The following DLG2 variants were observed in gnomAD, a reference collection of about 807,000 sequenced individuals.
DLG2 encodes disks large homolog 2.
DLG2 carries 45 observed loss-of-function variants against 132.5 expected under a neutral mutation model. The ratio of observed to expected loss-of-function variants is 0.34; its 90% confidence interval spans 0.27 to 0.44. DLG2 has a LOEUF of 0.44. Ranked by LOEUF, DLG2 falls within the 20% of genes least tolerant of loss-of-function variation. The pLI is 1.00. For synonymous variants in DLG2, 424 were observed against 419.6 expected (o/e 1.01, Z -0.13); for missense variants, 1,045 against 1,196.9 (o/e 0.87, Z 1.87).
At chr11:83,721,103 C>T (rs1423662526) in intron 18 of DLG2, 2 of 152,232 alleles carry the variant, frequency 1.3e-5, no homozygotes, top group Non-Finnish European at 1.5e-5. Flanking sequence ...TTTTAATAGA[C>T]ATGCTTTAAC....
chr11:84,459,583 T>A (rs553243309), intron 7 of DLG2, among the ~76,000 whole-genome samples: 1 of 150,644 alleles, frequency 6.6e-6, no homozygotes, highest in Non-Finnish European at 1.5e-5. Context: ...TTCTGGAATA[T>A]GGGCTGCCCC....
intron 3 of DLG2, among the ~76,000 whole-genome samples, chr11:85,581,648 C>T (rs895000405): frequency 2.0e-5 from 3 of 151,620 alleles, no homozygotes; most frequent in African/African-American, 7.3e-5. Flanking sequence ...AAACAAACAA[C>T]AAAAAAAGAG....
At chr11:84,984,694 C>T (rs1024430581) in intron 6 of DLG2, among the ~76,000 whole-genome samples, 1 of 151,822 alleles carries the variant, frequency 6.6e-6, no homozygotes, top group African/African-American at 2.4e-5. Context: ...TTAAAAGATA[C>T]AGAATTGCAG....
rs560364876 is a variant in DLG2 at position 85,554,214 on chromosome 11, C to CA, written c.40+44442dup. Among the ~76,000 whole-genome samples, 10 of 150,414 alleles carry CA rather than the reference C, an allele frequency of 6.6e-5. No individual in the cohort carries two copies. The South Asian group carries it at 1.5e-3, about 22-fold the overall frequency. On this transcript the variant is annotated intron_variant, in intron 3 of 27. Coordinates refer to ENST00000376104, the MANE Select transcript of DLG2 (RefSeq NM_001142699.3). ...CAAAGAATAGTATAAAGCAAATTAA[C>CA]AAAAAAAATTGAGTATTTGAAAACA...
intron 4 of DLG2, 128 bp downstream of exon 4, chr11:85,285,092 T>C: frequency 1.3e-6 from 1 of 792,312 alleles, no homozygotes; most frequent in Middle Eastern, 2.5e-4. Flanking sequence ...TTGCATACAG[T>C]ATGGTATAAC....
chr11:83,682,653 G>A (rs940842849), intron 18 of DLG2, among the ~76,000 whole-genome samples: 2 of 152,124 alleles, frequency 1.3e-5, no homozygotes, highest in African/African-American at 4.8e-5. Flanking sequence ...CAGGGTTAAA[G>A]CTCTTAATAG....
chr11:84,714,683 G>GCC (rs2061004976), intron 6 of DLG2, among the ~76,000 whole-genome samples: 1 of 80,448 alleles, frequency 1.2e-5, no homozygotes, highest in Admixed American at 1.5e-4. Context: ...CTGCCTCCCC[G>GCC]CCCCACCCAA....
intron 6 of DLG2, among the ~76,000 whole-genome samples, chr11:85,002,781 C>T (rs1347475346): frequency 4.6e-5 from 7 of 151,960 alleles, no homozygotes; most frequent in Non-Finnish European, 1.0e-4. Context: ...CCCCTTTCAC[C>T]TCCTCTATCT....
intron 7 of DLG2, among the ~76,000 whole-genome samples, chr11:84,426,195 C>T (rs1294845063): frequency 1.3e-5 from 2 of 152,026 alleles, no homozygotes; most frequent in Admixed American, 1.3e-4. Context: ...AATGTAGGGG[C>T]GTACATCTTA....
chr11:83,806,493 T>C (rs1053985474), intron 17 of DLG2, among the ~76,000 whole-genome samples: 1 of 152,202 alleles, frequency 6.6e-6, no homozygotes, highest in Non-Finnish European at 1.5e-5. Flanking sequence ...CATTCATGTT[T>C]ACCTCCATAT....
At chr11:85,173,175 T>A (rs1341620595) in intron 4 of DLG2, among the ~76,000 whole-genome samples, 2 of 152,084 alleles carry the variant, frequency 1.3e-5, no homozygotes, top group Non-Finnish European at 2.9e-5. Flanking sequence ...AATCGTCAGA[T>A]TCTCCTAGGT....
chr11:85,412,760 C>CACACATATATATATATATATATATAT (rs756868795), intron 3 of DLG2, among the ~76,000 whole-genome samples: 5 of 113,244 alleles, frequency 4.4e-5, no homozygotes, highest in Non-Finnish European at 8.9e-5. Context: ...CACACACACA[C>CACACATATATATATATATATATATAT]ATATATATAT....
intron 15 of DLG2, among the ~76,000 whole-genome samples, chr11:83,903,615 TG>T (rs1565572427): frequency 1.3e-5 from 2 of 152,162 alleles, no homozygotes; most frequent in Non-Finnish European, 2.9e-5. Context: ...TATTGGAAAC[TG>T]GGGGCTTAGG....
At chr11:84,416,869 T>C (rs1232594767) in intron 7 of DLG2, among the ~76,000 whole-genome samples, 2 of 152,158 alleles carry the variant, frequency 1.3e-5, no homozygotes, top group East Asian at 3.8e-4. Context: ...ACAGAAATAA[T>C]GGAATGAAAC....
At chr11:84,087,221 G>A (rs2097000566) in intron 10 of DLG2, among the ~76,000 whole-genome samples, 1 of 152,128 alleles carries the variant, frequency 6.6e-6, no homozygotes, top group Admixed American at 6.6e-5. Context: ...GCTGTTAGAT[G>A]GACTGCCAGA....
chr11:83,839,610 T>A (rs2057096676), intron 16 of DLG2, among the ~76,000 whole-genome samples: 1 of 152,156 alleles, frequency 6.6e-6, no homozygotes, highest in South Asian at 2.1e-4. Flanking sequence ...GAGAGGGAAC[T>A]TAAACAATGA....
intron 11 of DLG2, among the ~76,000 whole-genome samples, chr11:84,044,534 T>C (rs551988874): frequency 6.6e-6 from 1 of 151,724 alleles, no homozygotes; most frequent in Non-Finnish European, 1.5e-5. Context: ...GGCAAGGGTG[T>C]TGGAAGAGAT....
intron 7 of DLG2, among the ~76,000 whole-genome samples, chr11:84,325,521 T>C (rs1452447470): frequency 6.6e-6 from 1 of 152,214 alleles, no homozygotes; most frequent in African/African-American, 2.4e-5. Flanking sequence ...ATTATTTTTA[T>C]ATTTCATTCT....
At chr11:83,885,664 A>T (rs1226160851) in intron 15 of DLG2, among the ~76,000 whole-genome samples, 1 of 152,200 alleles carries the variant, frequency 6.6e-6, no homozygotes. Flanking sequence ...ACCAAAGTTG[A>T]AATGAAGGAA....
Sources: gnomAD v4.1 joint callset for allele counts (sites outside exome capture counted in the v4.1 genomes callset) on GRCh38, gnomAD v4.1.1 for gene constraint, MANE v1.5 for transcripts, NCBI Gene and HGNC (gene_info 2026-07-23, HGNC 2026-07-21) for gene names.